Variants in RTTN observed in about 807,000 individuals in gnomAD.
RTTN encodes rotatin.
A neutral mutation model predicts 269.2 loss-of-function variants in RTTN; 182 were observed. That is an observed-to-expected ratio of 0.68 (90% confidence interval 0.60 to 0.76). RTTN has a LOEUF of 0.76. Among genes scored for constraint, RTTN ranks in the 30% least tolerant of loss-of-function variants. RTTN has a pLI of 0.00. For synonymous variants in RTTN, 1,006 were observed against 963.5 expected (o/e 1.04, Z -0.82); for missense variants, 2,545 against 2,608.6 (o/e 0.98, Z 0.53).
chr18:70,083,905 CT>C lies in RTTN; in HGVS notation c.4374+2707del, dbSNP rs5825988. Reference sequence around the variant, plus strand: ...CCTGGACAACACAGTGAGACCCCATCTTTTTTTTTTTTTAAGTACATACAGA... The same window carrying C: ...CCTGGACAACACAGTGAGACCCCATCTTTTTTTTTTTTAAGTACATACAGA... On this transcript the variant is annotated intron_variant, in intron 32 of 48. Transcript: ENST00000640769. Among the ~76,000 whole-genome samples, 395 of 145,330 alleles carry C rather than the reference CT, an allele frequency of 2.7e-3. 1 individual carries two copies. The highest frequency in any genetic ancestry group is 9.2e-3 in the African/African-American group (367 of 39,848).
rs962466446 is a variant in RTTN at position 70,169,063 on chromosome 18, C to T, written c.1481G>A (p.Ser494Asn). The T allele has an allele frequency of 6.3e-6, 10 of 1,582,368 alleles. No individual in the cohort carries two copies. Among genetic ancestry groups the T allele is most frequent in the Non-Finnish European group, 8.5e-6 (10 of 1,170,728 alleles). ...TGACATAGGCTCTGATAAAAACTCG[C>T]TTGCCTTGGTGAATTAAAAAAACAA... ...LQTLLPVEKA[S>N]EFLSEPMSTA... The change falls in exon 12 of 49, where the codon AGC becomes AAC. Residue 494 changes from serine to asparagine, a missense_variant. Transcript: ENST00000640769.
At chr18:70,036,924 C>T (rs549695947) in intron 40 of RTTN, among the ~76,000 whole-genome samples, 1 of 152,348 alleles carries the variant, frequency 6.6e-6, no homozygotes, top group South Asian at 2.1e-4. Context: ...CCACCCCTCC[C>T]CTATCTATCA....
rs374033142 is a variant in RTTN at position 70,014,667 on chromosome 18, AT to A, written c.6421+2739del. 4.4e-3 allele frequency among the ~76,000 whole-genome samples: 653 copies of A among 148,678 alleles called. 4 individuals are homozygous for A. Among genetic ancestry groups the A allele is most frequent in the African/African-American group, 0.015 (591 of 40,538 alleles). On this transcript the variant is annotated intron_variant, in intron 46 of 48. Coordinates refer to ENST00000640769, the MANE Select transcript of RTTN (RefSeq NM_173630.4). Reference sequence around the variant, plus strand: ...AGCAGTCTGTAGTACCCATTCTCACATTTTTTTTTTCCTTTTCTTTACAGTC... The same window carrying A: ...AGCAGTCTGTAGTACCCATTCTCACATTTTTTTTTCCTTTTCTTTACAGTC...
chr18:70,094,145 C>T (rs373073225), intron 28 of RTTN, among the ~76,000 whole-genome samples: 9 of 152,224 alleles, frequency 5.9e-5, no homozygotes, highest in African/African-American at 2.2e-4. Context: ...GCTGATCTCC[C>T]TTTTATCATT....
intron 43 of RTTN, 130 bp from the exon 44 acceptor site, chr18:70,024,978 C>A: frequency 9.8e-7 from 1 of 1,017,548 alleles, no homozygotes; most frequent in South Asian, 1.8e-5. Context: ...CAGCATCCTG[C>A]CCCAGCCCCA....
chr18:70,151,674 T>C (rs1377115177), intron 14 of RTTN, among the ~76,000 whole-genome samples: 2 of 152,172 alleles, frequency 1.3e-5, no homozygotes, highest in Non-Finnish European at 2.9e-5. Flanking sequence ...GCCTCAGCCC[T>C]AAACAATAGC....
rs115229315 is a variant in RTTN, at chr18:70,118,982, A to G, written c.3528+2574T>C. Among the ~76,000 whole-genome samples, 767 of 152,312 alleles carry G rather than the reference A, an allele frequency of 5.0e-3. 5 individuals are homozygous for G. Among genetic ancestry groups the G allele is most frequent in the African/African-American group, 0.017 (727 of 41,580 alleles). ...AAACCCACAGCTAACATCATTCTCA[A>G]TGGTGAAAAGTTTAAAGCTTTTTCT... On this transcript the variant is annotated intron_variant, in intron 26 of 48. Coordinates refer to ENST00000640769, the MANE Select transcript of RTTN (RefSeq NM_173630.4).
intron 34 of RTTN, among the ~76,000 whole-genome samples, chr18:70,070,784 C>G (rs946457586): frequency 1.3e-5 from 2 of 152,166 alleles, no homozygotes; most frequent in African/African-American, 4.8e-5. Context: ...GCCTTCAGTA[C>G]AACACAACTT....
intron 23 of RTTN, among the ~76,000 whole-genome samples, chr18:70,132,739 T>C (rs2060028569): frequency 2.0e-5 from 3 of 151,932 alleles, no homozygotes; most frequent in South Asian, 2.1e-4. Context: ...AAAATTAAGT[T>C]TGAAAAACAC....
Position 70,168,888 on chromosome 18 carries a change from G to A in RTTN, c.1656C>T (p.Cys552=). 6.2e-7 allele frequency: 1 copy of A among 1,612,382 alleles called. No homozygotes were observed. Among genetic ancestry groups the A allele is most frequent in the Non-Finnish European group, 8.5e-7 (1 of 1,179,366 alleles). ...CAATATCAGACAGGAAGTTACAGGT[G>A]CATTCAATTGAATAAACGGCCTCTG... ...RTAEAVYSIE[C]TCNFLSDIGK... The change falls in exon 12 of 49, where the codon TGC becomes TGT. Residue 552 remains cysteine, a synonymous_variant. Transcript: ENST00000640769.
At chr18:70,080,889 C>T (rs768549603) in intron 32 of RTTN, among the ~76,000 whole-genome samples, 81 of 151,622 alleles carry the variant, frequency 5.3e-4, no homozygotes, top group Non-Finnish European at 1.1e-3. Flanking sequence ...AATTCAAATG[C>T]CCATCCACCA....
intron 19 of RTTN, among the ~76,000 whole-genome samples, chr18:70,140,539 C>A (rs1413992734): frequency 6.6e-6 from 1 of 152,064 alleles, no homozygotes. Flanking sequence ...TTCATTGACT[C>A]TTCCAAATTT....
chr18:70,191,033 C>CA (rs891857386), intron 8 of RTTN, among the ~76,000 whole-genome samples: 39 of 146,986 alleles, frequency 2.7e-4, no homozygotes, highest in East Asian at 1.4e-3. Flanking sequence ...ACTAAAAATA[C>CA]AAAAAAAAAA....
intron 39 of RTTN, among the ~76,000 whole-genome samples, chr18:70,048,844 G>T (rs1449767534): frequency 6.6e-6 from 1 of 151,984 alleles, no homozygotes; most frequent in Non-Finnish European, 1.5e-5. Flanking sequence ...ATGGGCATAT[G>T]AGATGGCAAT....
chr18:70,070,555 G>A (rs568064731), intron 34 of RTTN, among the ~76,000 whole-genome samples: 8 of 152,212 alleles, frequency 5.3e-5, no homozygotes, highest in East Asian at 1.9e-4. Context: ...GTGTCAATAC[G>A]TTATTTCTCT....
chr18:70,074,243 AC>A (rs1457711891), intron 33 of RTTN, among the ~76,000 whole-genome samples: 2 of 151,936 alleles, frequency 1.3e-5, no homozygotes, highest in African/African-American at 2.4e-5. Context: ...AGGCTCCAAT[AC>A]CCCAGGTCAG....
In RTTN at chr18:70,114,538, T is replaced by C; in HGVS notation, c.3590A>G (p.Asp1197Gly). The C allele has an allele frequency of 1.2e-6, 2 of 1,613,718 alleles. No individual in the cohort carries two copies. The highest frequency in any genetic ancestry group is 1.3e-5 in the African/African-American group (1 of 75,048). The change falls in exon 27 of 49, where the codon GAT (aspartate) becomes GGT (glycine). Residue 1197 changes from aspartate (D) to glycine (G), a missense_variant. By Grantham distance (94) the Asp-to-Gly change is moderately conservative. Transcript: ENST00000640769. ...LTESQAREET[D>G]DIRTAVRQQL... Reference sequence around the variant, plus strand: ...TTGCCTGACAGCAGTCCGGATATCATCTGTTTCTTCTCGTGCCTGTGACTC... The same window carrying C: ...TTGCCTGACAGCAGTCCGGATATCACCTGTTTCTTCTCGTGCCTGTGACTC...
chr18:70,065,952 A>G (rs1301438104), intron 34 of RTTN, 30 bp from the exon 35 acceptor site: 2 of 1,470,482 alleles, frequency 1.4e-6, no homozygotes, highest in Admixed American at 1.9e-5. Flanking sequence ...TTTACTTATT[A>G]ATGTTACAGT....
rs9963733 is a variant in RTTN, at chr18:70,147,951, A to G, written c.2309+950T>C. On this transcript the variant is annotated intron_variant, in intron 17 of 48. Coordinates refer to ENST00000640769, the MANE Select transcript of RTTN (RefSeq NM_173630.4). ...GAAGACAACCCCTGAGAACACAAGC[A>G]CGTTAACTCCCTCTGCCCTACTTCT... 0.96 allele frequency among the ~76,000 whole-genome samples: 145,381 copies of G among 152,170 alleles called. 69,771 individuals carry two copies. The highest frequency in any genetic ancestry group is 1 in the East Asian group (5,172 of 5,172).
Sources: allele counts gnomAD v4.1 joint callset (sites outside exome capture counted in the v4.1 genomes callset), GRCh38; gene constraint gnomAD v4.1.1; transcripts MANE v1.5; gene names NCBI Gene and HGNC (gene_info 2026-07-23, HGNC 2026-07-21).